Variants in CEP192 observed in about 807,000 individuals in gnomAD.
CEP192 encodes the protein centrosomal protein 192.
A neutral mutation model predicts 271.8 loss-of-function variants in CEP192; 151 were observed. That is an observed-to-expected ratio of 0.56 (90% confidence interval 0.49 to 0.64). CEP192 has a LOEUF of 0.64. CEP192 is among the 30% of genes least tolerant of loss of function. CEP192 has a pLI of 0.00. For missense variants in CEP192, 2,910 were observed against 3,020.5 expected (o/e 0.96, Z 0.86); for synonymous variants, 995 against 1,076.5 (o/e 0.92, Z 1.48).
chr18:13,017,117 T>G, intron 6 of CEP192, 71 bp from the exon 7 acceptor site: 30 of 1,218,064 alleles, frequency 2.5e-5, no homozygotes, highest in Non-Finnish European at 2.9e-5. Context: ...CTTATCGGCC[T>G]TTTTAATTAC....
At chr18:13,106,204 AT>A (rs1284853479) in intron 40 of CEP192, among the ~76,000 whole-genome samples, 1 of 152,038 alleles carries the variant, frequency 6.6e-6, no homozygotes, top group African/African-American at 2.4e-5. Flanking sequence ...CCTCAACCAA[AT>A]ATATACAACT....
intron 37 of CEP192, 77 bp downstream of exon 37, chr18:13,099,658 C>A: frequency 1.5e-6 from 1 of 688,008 alleles, no homozygotes; most frequent in Non-Finnish European, 2.5e-6. Context: ...TCCTTATTAG[C>A]ACTTAATTTC....
Position 13,099,562 on chromosome 18 carries a change from A to G in CEP192, c.6644A>G (p.His2215Arg), listed in dbSNP as rs2039608988. ...MFPWSGLIYI[H>R]CDDGQKKIVK... ...CCGTGGAGTGGTTTGATCTATATAC[A>G]CTGTGACGATGGACAGAAGGTACTT... Residue 2215 changes from histidine to arginine, a missense_variant, in exon 37 of 45, where the codon CAC becomes CGC. Physicochemically the swap from His to Arg is conservative, Grantham distance 29. Transcript: ENST00000506447. 6.4e-7 allele frequency: 1 copy of G among 1,566,562 alleles called. No homozygotes were observed. The highest frequency in any genetic ancestry group is 8.6e-7 in the Non-Finnish European group (1 of 1,156,192).
At chr18:13,122,832 CGTGTGT>C (rs59158168) in intron 44 of CEP192, among the ~76,000 whole-genome samples, 37,222 of 150,352 alleles carry the variant, frequency 0.25, 4,978 homozygotes, top group East Asian at 0.57. Flanking sequence ...TACCTTTTCC[CGTGTGT>C]GTGTGTGTGT....
At chr18:13,104,072 G>A (rs1437482188) in intron 39 of CEP192, 2 of 309,772 alleles carry the variant, frequency 6.5e-6, no homozygotes, top group Non-Finnish European at 1.3e-5. Context: ...TTTTCACAAG[G>A]TGGTTTTGAG....
chr18:13,037,377 C>A, intron 12 of CEP192, 76 bp downstream of exon 12: 1 of 639,528 alleles, frequency 1.6e-6, no homozygotes, highest in Non-Finnish European at 2.8e-6. Flanking sequence ...GTGTTCATTT[C>A]TTTCTGAATA....
chr18:13,013,558 A>T (rs532448692), intron 5 of CEP192, among the ~76,000 whole-genome samples: 2 of 152,132 alleles, frequency 1.3e-5, no homozygotes, highest in African/African-American at 2.4e-5. Flanking sequence ...CACTGTGCCA[A>T]GGGGTGGGTT....
At chr18:13,094,248 A>G (rs2039283991) in intron 34 of CEP192, among the ~76,000 whole-genome samples, 1 of 152,238 alleles carries the variant, frequency 6.6e-6, no homozygotes, top group Non-Finnish European at 1.5e-5. Flanking sequence ...TTTAAAGATC[A>G]TGATTATCTT....
At chr18:13,017,381 A>G in intron 7 of CEP192, 45 bp downstream of exon 7, 1 of 1,401,860 alleles carries the variant, frequency 7.1e-7, no homozygotes, top group Non-Finnish European at 9.5e-7. Context: ...GACATTAGAA[A>G]ATTACTATTG....
chr18:13,032,917 A>G (rs1457340985), intron 11 of CEP192, among the ~76,000 whole-genome samples: 1 of 151,992 alleles, frequency 6.6e-6, no homozygotes, highest in Non-Finnish European at 1.5e-5. Context: ...CGTAAAGCTG[A>G]CTAAGAACAC....
intron 39 of CEP192, chr18:13,103,883 C>T (rs1258911214): frequency 2.1e-6 from 1 of 479,314 alleles, no homozygotes; most frequent in Non-Finnish European, 4.1e-6. Flanking sequence ...AGAGATGGAG[C>T]CTCACCACAC....
intron 40 of CEP192, among the ~76,000 whole-genome samples, chr18:13,110,659 A>G (rs76841956): frequency 6.2e-3 from 937 of 152,332 alleles, no homozygotes; most frequent in South Asian, 0.011. Flanking sequence ...GTCACACGAT[A>G]GGCCATCTGC....
At chr18:13,098,895 G>C (rs1327960238) in intron 36 of CEP192, among the ~76,000 whole-genome samples, 1 of 152,172 alleles carries the variant, frequency 6.6e-6, no homozygotes, top group Non-Finnish European at 1.5e-5. Context: ...GCACCATTGA[G>C]CACTGAGTGA....
At chr18:13,025,515 T>C (rs2143401841) in intron 9 of CEP192, among the ~76,000 whole-genome samples, 1 of 152,304 alleles carries the variant, frequency 6.6e-6, no homozygotes, top group African/African-American at 2.4e-5. Flanking sequence ...CTGTGCCTGG[T>C]CTCTTTGTGG....
intron 15 of CEP192, among the ~76,000 whole-genome samples, chr18:13,042,862 A>G (rs2036281565): frequency 6.6e-6 from 1 of 152,034 alleles, no homozygotes; most frequent in South Asian, 2.1e-4. Flanking sequence ...GAAATTTGGG[A>G]TATTTCCACT....
At chr18:13,113,760 G>C in intron 41 of CEP192, 55 bp downstream of exon 41, 1 of 1,490,244 alleles carries the variant, frequency 6.7e-7, no homozygotes, top group Non-Finnish European at 9.1e-7. Context: ...AAAACAGAAA[G>C]GGAAATTAAT....
chr18:13,016,188 T>C (rs1458739099), intron 6 of CEP192, among the ~76,000 whole-genome samples: 2 of 152,088 alleles, frequency 1.3e-5, no homozygotes, highest in Non-Finnish European at 2.9e-5. Flanking sequence ...AGAAATTAAC[T>C]CTGATTGAGG....
At position 13,095,601 on chromosome 18, in the gene CEP192, G is replaced by T. The variant is rs1372337200; in HGVS notation, c.6353G>T (p.Arg2118Leu). 1 of 1,614,006 alleles carries T rather than the reference G, an allele frequency of 6.2e-7. No individual in the cohort carries two copies. The highest frequency in any genetic ancestry group is 2.2e-5 in the East Asian group (1 of 44,882). Residue 2118 changes from arginine to leucine, a missense_variant, in exon 35 of 45, where the codon CGC becomes CTC. Transcript: ENST00000506447. ...QGSPLLSRAA[R>L]PPLDQLASEE... ...TCTCCTCTTCTCTCACGGGCGGCTC[G>T]CCCGCCTCTGGATCAGCTGGCCTCC...
intron 44 of CEP192, among the ~76,000 whole-genome samples, chr18:13,120,600 CTG>C (rs904605295): frequency 6.6e-6 from 1 of 152,166 alleles, no homozygotes; most frequent in African/African-American, 2.4e-5. Context: ...AGTTTATACT[CTG>C]AACATATTTA....
Sources: gnomAD v4.1 joint callset for allele counts (sites outside exome capture counted in the v4.1 genomes callset) on GRCh38, gnomAD v4.1.1 for gene constraint, MANE v1.5 for transcripts, NCBI Gene and HGNC (gene_info 2026-07-23, HGNC 2026-07-21) for gene names.